The following GRID2 variants were observed in gnomAD, a reference collection of about 807,000 sequenced individuals.
GRID2 encodes glutamate receptor ionotropic, delta-2.
A neutral mutation model predicts 114.8 loss-of-function variants in GRID2; 33 were observed. The observed-to-expected ratio is 0.29, with a 90% CI of 0.22 to 0.38. The LOEUF (loss-of-function observed/expected upper bound fraction) is 0.38, where lower values mean the gene tolerates loss of function less well. Ranked by LOEUF, GRID2 falls within the 10% of genes least tolerant of loss-of-function variation. The pLI is 1.00. For missense variants in GRID2, 1,184 were observed against 1,257.7 expected, an observed-to-expected ratio of 0.94 and a Z score of 0.89; for synonymous variants, 505 against 449.9, an observed-to-expected ratio of 1.12 and a Z score of -1.55.
Position 93,199,930 on chromosome 4 carries a change from T to C in GRID2, c.736-7474T>C, listed in dbSNP as rs1741892789. Among the ~76,000 whole-genome samples, 6 of 152,206 alleles carry C rather than the reference T, an allele frequency of 3.9e-5. No homozygotes were observed. The South Asian group carries it at 1.2e-3, about 32-fold the overall frequency. Reference sequence around the variant, plus strand: ...GAAAACAAAACTCAGGTCATGTACATGTTTCCTGTACCTTGAGAAGGTTGG... The same window carrying C: ...GAAAACAAAACTCAGGTCATGTACACGTTTCCTGTACCTTGAGAAGGTTGG... On this transcript the variant is annotated intron_variant, in intron 4 of 15. Transcript: ENST00000282020.
At chr4:92,664,800 C>G (rs1732687633) in intron 2 of GRID2, among the ~76,000 whole-genome samples, 1 of 150,914 alleles carries the variant, frequency 6.6e-6, no homozygotes, top group Non-Finnish European at 1.5e-5. Flanking sequence ...CACTTGTAAC[C>G]TTTTTAAATT....
chr4:93,466,739 G>T (rs1358436336), intron 11 of GRID2, among the ~76,000 whole-genome samples: 1 of 152,044 alleles, frequency 6.6e-6, no homozygotes, highest in Non-Finnish European at 1.5e-5. Flanking sequence ...CCTGCCTCTG[G>T]AATTGAATCC....
rs558979917 is a variant in GRID2 at position 93,330,412 on chromosome 4, T to G, written c.1246-65195T>G. Among the ~76,000 whole-genome samples the G allele has an allele frequency of 1.1e-4, 17 of 152,296 alleles. No individual in the cohort carries two copies. The East Asian group carries it at 2.5e-3, about 22-fold the overall frequency. ...GGCAAGGTTCTTCAGTGTCCTTAGA[T>G]TGGAGAGAGAATATCTGCACTGATT... On this transcript the variant is annotated intron_variant, in intron 8 of 15. Transcript: ENST00000282020.
intron 2 of GRID2, among the ~76,000 whole-genome samples, chr4:92,801,590 TACTTC>T (rs1470025361): frequency 2.0e-5 from 3 of 151,892 alleles, no homozygotes; most frequent in African/African-American, 7.2e-5. Flanking sequence ...TCAAATTGAT[TACTTC>T]ACTTAAGCTA....
rs138122666 is a variant in GRID2 at position 93,385,484 on chromosome 4, C to T, written c.1246-10123C>T. Among the ~76,000 whole-genome samples the T allele has an allele frequency of 8.3e-4, 126 of 152,192 alleles. 3 individuals carry two copies. The East Asian group carries it at 0.022, about 27-fold the overall frequency. On this transcript the variant is annotated intron_variant, in intron 8 of 15. Transcript: ENST00000282020. ...TTCTTTCTTTGAGAAAAATAAGAGC[C>T]ATTTATTCATGCAATAAATTTTCAT...
chr4:92,629,634 T>A (rs1009421819), intron 2 of GRID2, among the ~76,000 whole-genome samples: 23 of 152,016 alleles, frequency 1.5e-4, no homozygotes, highest in African/African-American at 4.8e-4. Flanking sequence ...AAAGAAGTGA[T>A]GAACAGAAAA....
At chr4:92,609,220 A>G (rs1022702726) in intron 2 of GRID2, among the ~76,000 whole-genome samples, 5 of 151,692 alleles carry the variant, frequency 3.3e-5, no homozygotes, top group African/African-American at 1.2e-4. Context: ...GCTCGAGGTT[A>G]TTTAACATTA....
At chr4:92,880,839 A>T (rs1277661109) in intron 2 of GRID2, among the ~76,000 whole-genome samples, 1 of 152,060 alleles carries the variant, frequency 6.6e-6, no homozygotes, top group Non-Finnish European at 1.5e-5. Flanking sequence ...CTACTGCCTC[A>T]GCCTCCCAAG....
chr4:93,701,620 G>T (rs1285978255), intron 14 of GRID2, among the ~76,000 whole-genome samples: 1 of 152,002 alleles, frequency 6.6e-6, no homozygotes, highest in Non-Finnish European at 1.5e-5. Context: ...AGACCATTTT[G>T]ATAAGTTCAA....
chr4:93,026,508 A>C lies in GRID2; in HGVS notation c.245-58487A>C, dbSNP rs149609918. On this transcript the variant is annotated intron_variant, in intron 2 of 15. Coordinates refer to ENST00000282020, the MANE Select transcript of GRID2 (RefSeq NM_001510.4). The stretch of plus-strand genomic sequence containing the variant: ...TTTACAATGTGTGAACAAAGAAGTT[A>C]TGTATACTTTAATGCTTGAAAATCA... Among the ~76,000 whole-genome samples the C allele has an allele frequency of 8.5e-3, 1,286 of 152,026 alleles. 9 individuals are homozygous for C. Among genetic ancestry groups the C allele is most frequent in the Middle Eastern group, 0.034 (10 of 294 alleles).
At chr4:93,059,943 A>C (rs1322197564) in intron 2 of GRID2, among the ~76,000 whole-genome samples, 1 of 152,032 alleles carries the variant, frequency 6.6e-6, no homozygotes, top group Non-Finnish European at 1.5e-5. Flanking sequence ...CTAGACCACT[A>C]TCATCTTTAC....
At chr4:92,485,293 G>T (rs1399462688) in intron 1 of GRID2, among the ~76,000 whole-genome samples, 3 of 72,912 alleles carry the variant, frequency 4.1e-5, no homozygotes, top group South Asian at 5.6e-4. Context: ...TAATAAATAA[G>T]GTGTGTGCAT....
chr4:92,325,492 C>T lies in GRID2; in HGVS notation c.88+20748C>T, dbSNP rs999539899. ...ATTTTACTTCAGTCTGTTTTGTGCA[C>T]ATTTGCCAAATATCTTGAGGCTAGA... is the stretch of plus-strand genomic sequence containing the variant. On this transcript the variant is annotated intron_variant, in intron 1 of 15. Coordinates refer to ENST00000282020, the MANE Select transcript of GRID2 (RefSeq NM_001510.4). Among the ~76,000 whole-genome samples, 15 of 151,856 alleles carry T rather than the reference C, an allele frequency of 9.9e-5. 1 individual carries two copies. The highest frequency in any genetic ancestry group is 3.3e-4 in the Admixed American group (5 of 15,210).
chr4:92,488,071 T>G (rs1328641318), intron 1 of GRID2, among the ~76,000 whole-genome samples: 1 of 152,186 alleles, frequency 6.6e-6, no homozygotes, highest in Non-Finnish European at 1.5e-5. Context: ...ATGAATTCAC[T>G]GATGGAATTT....
At chr4:93,445,428 A>G (rs1407667420) in intron 10 of GRID2, among the ~76,000 whole-genome samples, 1 of 152,044 alleles carries the variant, frequency 6.6e-6, no homozygotes, top group African/African-American at 2.4e-5. Context: ...GAATATATTC[A>G]TACATAGTTT....
At chr4:92,634,175 T>C (rs567638007) in intron 2 of GRID2, among the ~76,000 whole-genome samples, 4 of 152,094 alleles carry the variant, frequency 2.6e-5, no homozygotes, top group African/African-American at 9.6e-5. Flanking sequence ...CGAGTTTATG[T>C]TGGGCCACAT....
chr4:93,726,204 G>A (rs751423195), intron 14 of GRID2, among the ~76,000 whole-genome samples: 2 of 152,134 alleles, frequency 1.3e-5, no homozygotes, highest in African/African-American at 2.4e-5. Context: ...TCTACATATG[G>A]CTAGCCAGTT....
At chr4:92,305,790 G>A (rs898587567) in intron 1 of GRID2, among the ~76,000 whole-genome samples, 1 of 152,200 alleles carries the variant, frequency 6.6e-6, no homozygotes, top group African/African-American at 2.4e-5. Flanking sequence ...GAGCTGAGCG[G>A]GAGACAGGCT....
At chr4:93,518,106 A>G (rs1046223053) in intron 13 of GRID2, among the ~76,000 whole-genome samples, 6 of 150,240 alleles carry the variant, frequency 4.0e-5, no homozygotes, top group Non-Finnish European at 7.4e-5. Flanking sequence ...ATGGATATAT[A>G]TATAGTAACT....
Sources: allele counts gnomAD v4.1 joint callset (sites outside exome capture counted in the v4.1 genomes callset), GRCh38; gene constraint gnomAD v4.1.1; transcripts MANE v1.5; gene names NCBI Gene and HGNC (gene_info 2026-07-23, HGNC 2026-07-21).